Variants in TRIM51G observed in about 807,000 individuals in gnomAD.
TRIM51G encodes the protein tripartite motif-containing protein 51G.
the TRIM51G span, chr11:48,981,643 C>T: frequency 1.3e-6 from 2 of 1,598,176 alleles, no homozygotes; most frequent in East Asian, 2.2e-5. Flanking sequence ...GTAGTTCATG[C>T]AGATGGGACA....
the TRIM51G span, chr11:48,981,644 A>T: frequency 6.3e-7 from 1 of 1,598,640 alleles, no homozygotes; most frequent in South Asian, 1.1e-5. Flanking sequence ...TAGTTCATGC[A>T]GATGGGACAG....
At chr11:48,981,565 T>C in the TRIM51G span, 4 of 1,601,934 alleles carry the variant, frequency 2.5e-6, no homozygotes, top group Non-Finnish European at 3.4e-6. Context: ...TGCCATGTCT[T>C]GCCAGTTGAG....
the TRIM51G span, chr11:48,981,653 A>C: frequency 6.3e-7 from 1 of 1,599,146 alleles, no homozygotes; most frequent in Non-Finnish European, 8.6e-7. Context: ...CAGATGGGAC[A>C]GATGAGTTCC....
chr11:48,982,947 G>GTGTGTGTGTGTATATATA, the TRIM51G span, among the ~76,000 whole-genome samples: 1 of 86,154 alleles, frequency 1.2e-5, no homozygotes, highest in African/African-American at 4.5e-5. Flanking sequence ...AGTATTTTTG[G>GTGTGTGTGTGTATATATA]TATATATACA....
chr11:48,977,858 C>T, the TRIM51G span, among the ~76,000 whole-genome samples: 119 of 150,978 alleles, frequency 7.9e-4, no homozygotes, highest in Admixed American at 2.6e-3. Flanking sequence ...TGCTCACTTC[C>T]TTTATTTCTT....
the TRIM51G span, chr11:48,977,085 C>G: frequency 9.7e-7 from 1 of 1,032,878 alleles, no homozygotes; most frequent in Non-Finnish European, 1.5e-6. Context: ...TGACACTCAC[C>G]TCTGAATCCC....
At chr11:48,978,140 T>C in the TRIM51G span, 3 of 527,072 alleles carry the variant, frequency 5.7e-6, no homozygotes, top group Admixed American at 4.0e-5. Context: ...GTACTCACCT[T>C]TGTAATATGT....
chr11:48,975,604 C>T, the TRIM51G span: 10 of 1,388,688 alleles, frequency 7.2e-6, no homozygotes, highest in South Asian at 1.2e-5. Flanking sequence ...GCTCACGGTC[C>T]TACCTTCACA....
At chr11:48,978,860 G>A in the TRIM51G span, 1 of 1,152,262 alleles carries the variant, frequency 8.7e-7, no homozygotes, top group South Asian at 1.2e-5. Context: ...ATAACCCATG[G>A]TCAGTCCGTA....
chr11:48,977,968 T>A, the TRIM51G span, among the ~76,000 whole-genome samples: 623 of 144,728 alleles, frequency 4.3e-3, no homozygotes, highest in African/African-American at 7.0e-3. Context: ...CTTAATAAAA[T>A]CACTGAGTAT....
chr11:48,982,192 C>T, the TRIM51G span, among the ~76,000 whole-genome samples: 2 of 151,994 alleles, frequency 1.3e-5, no homozygotes, highest in Admixed American at 6.6e-5. Flanking sequence ...CCAGAACAAA[C>T]CAACCGACCA....
the TRIM51G span, among the ~76,000 whole-genome samples, chr11:48,982,543 C>A: frequency 2.4e-4 from 36 of 152,054 alleles, no homozygotes; most frequent in African/African-American, 7.7e-4. Flanking sequence ...TGGACACTAT[C>A]CAATCAGCTG....
the TRIM51G span, among the ~76,000 whole-genome samples, chr11:48,979,273 T>G: frequency 6.6e-6 from 1 of 152,204 alleles, no homozygotes; most frequent in Non-Finnish European, 1.5e-5. Flanking sequence ...CATAGTTGTT[T>G]CTGCCCAGTT....
the TRIM51G span, among the ~76,000 whole-genome samples, chr11:48,976,219 C>G: frequency 6.6e-6 from 1 of 152,100 alleles, no homozygotes; most frequent in Non-Finnish European, 1.5e-5. Context: ...TTATTGAAAA[C>G]TTAAAAACTG....
At chr11:48,976,955 T>G in the TRIM51G span, 10 of 554,484 alleles carry the variant, frequency 1.8e-5, no homozygotes, top group Admixed American at 1.2e-4. Flanking sequence ...GATATAAAAG[T>G]GTTGTATCGT....
At chr11:48,982,301 C>T in the TRIM51G span, among the ~76,000 whole-genome samples, 11 of 152,064 alleles carry the variant, frequency 7.2e-5, no homozygotes. Context: ...AAATTAACTT[C>T]TTCTTTGGGC....
At chr11:48,975,607 C>G in the TRIM51G span, 1 of 1,388,224 alleles carries the variant, frequency 7.2e-7, no homozygotes, top group Non-Finnish European at 1.0e-6. Flanking sequence ...CACGGTCCTA[C>G]CTTCACAATC....
At chr11:48,983,884 G>A in the TRIM51G span, among the ~76,000 whole-genome samples, 1 of 151,930 alleles carries the variant, frequency 6.6e-6, no homozygotes, top group Non-Finnish European at 1.5e-5. Context: ...GTCCTCCTCT[G>A]GAGAAATATG....
At chr11:48,981,316 C>G in the TRIM51G span, 1 of 1,606,360 alleles carries the variant, frequency 6.2e-7, no homozygotes, top group Non-Finnish European at 8.5e-7. Flanking sequence ...CTCAGTGGGA[C>G]AGTGTCTGTG....
Sources: gnomAD v4.1 joint callset for allele counts (sites outside exome capture counted in the v4.1 genomes callset) on GRCh38, gnomAD v4.1.1 for gene constraint, MANE v1.5 for transcripts, NCBI Gene and HGNC (gene_info 2026-07-23, HGNC 2026-07-21) for gene names.